ZFPM2: variants seen among roughly 807,000 people sequenced by gnomAD.
ZFPM2 encodes zinc finger protein, FOG family member 2, also known as zinc finger protein ZFPM2.
ZFPM2 carries 20 observed loss-of-function variants against 98.6 expected under a neutral mutation model. The observed-to-expected ratio is 0.20, with a 90% CI of 0.14 to 0.29. The LOEUF (loss-of-function observed/expected upper bound fraction) is 0.29, where lower values mean the gene tolerates loss of function less well. Among genes scored for constraint, ZFPM2 ranks in the 10% least tolerant of loss-of-function variants. ZFPM2 has a pLI of 1.00. For synonymous variants in ZFPM2, 518 were observed against 502.7 expected (o/e 1.03, Z -0.41); for missense variants, 1,310 against 1,388.6 (o/e 0.94, Z 0.90).
At chr8:105,424,816 T>C (rs1412743300) in intron 2 of ZFPM2, among the ~76,000 whole-genome samples, 2 of 152,136 alleles carry the variant, frequency 1.3e-5, no homozygotes, top group African/African-American at 4.8e-5. Context: ...GATACAGCCT[T>C]AGGCAAAAGT....
chr8:105,657,068 A>G (rs540297283), intron 5 of ZFPM2, among the ~76,000 whole-genome samples: 3 of 152,242 alleles, frequency 2.0e-5, no homozygotes, highest in African/African-American at 7.2e-5. Flanking sequence ...ATAGATAACA[A>G]TTTATATTTA....
At chr8:105,414,268 C>G (rs1358914488) in intron 1 of ZFPM2, among the ~76,000 whole-genome samples, 1 of 151,902 alleles carries the variant, frequency 6.6e-6, no homozygotes, top group African/African-American at 2.4e-5. Flanking sequence ...ATATCAGAAC[C>G]ATAGAAGTTG....
At chr8:105,459,724 A>G (rs1049392131) in intron 3 of ZFPM2, among the ~76,000 whole-genome samples, 1 of 152,092 alleles carries the variant, frequency 6.6e-6, no homozygotes, top group Non-Finnish European at 1.5e-5. Context: ...CATGGATAGC[A>G]TTCCTACTGG....
At chr8:105,605,980 T>C (rs1816188964) in intron 4 of ZFPM2, among the ~76,000 whole-genome samples, 1 of 152,118 alleles carries the variant, frequency 6.6e-6, no homozygotes, top group Non-Finnish European at 1.5e-5. Context: ...CATTTTCTCT[T>C]AATACCTGGT....
chr8:105,600,659 A>G (rs966751291), intron 4 of ZFPM2, among the ~76,000 whole-genome samples: 4 of 152,040 alleles, frequency 2.6e-5, no homozygotes, highest in African/African-American at 9.7e-5. Context: ...TTTTTTTAAA[A>G]TTGTTTAAAC....
chr8:105,538,147 G>A (rs938586128), intron 3 of ZFPM2, among the ~76,000 whole-genome samples: 17 of 151,908 alleles, frequency 1.1e-4, no homozygotes, highest in African/African-American at 4.1e-4. Context: ...AAAGAGTGTC[G>A]TTTGGTACAG....
At chr8:105,473,730 A>G (rs1273321049) in intron 3 of ZFPM2, among the ~76,000 whole-genome samples, 1 of 152,260 alleles carries the variant, frequency 6.6e-6, no homozygotes, top group Non-Finnish European at 1.5e-5. Flanking sequence ...CTTCAGAAAT[A>G]TAGGCACTTA....
chr8:105,420,525 A>G (rs1197201050), intron 2 of ZFPM2, among the ~76,000 whole-genome samples: 4 of 152,134 alleles, frequency 2.6e-5, no homozygotes, highest in Non-Finnish European at 5.9e-5. Context: ...GTAGACCTCA[A>G]GATAACTTGT....
chr8:105,487,932 A>G (rs1813265620), intron 3 of ZFPM2, among the ~76,000 whole-genome samples: 1 of 139,804 alleles, frequency 7.2e-6, no homozygotes, highest in South Asian at 2.2e-4. Context: ...CTATCTATCT[A>G]GCTAGCTAGC....
chr8:105,442,371 A>C (rs182668692), intron 2 of ZFPM2, among the ~76,000 whole-genome samples: 1 of 152,146 alleles, frequency 6.6e-6, no homozygotes, highest in African/African-American at 2.4e-5. Flanking sequence ...AAAACAAAAA[A>C]ACAACAAAAA....
intron 3 of ZFPM2, among the ~76,000 whole-genome samples, chr8:105,517,174 A>T (rs987274358): frequency 6.6e-6 from 1 of 152,224 alleles, no homozygotes; most frequent in Non-Finnish European, 1.5e-5. Context: ...AAACGGAAGT[A>T]GGGTTTATAA....
At chr8:105,795,870 AGAG>A (rs1813789969) in intron 6 of ZFPM2, 3 of 412,304 alleles carry the variant, frequency 7.3e-6, no homozygotes, top group Admixed American at 3.1e-5. Flanking sequence ...ACACATCTTA[AGAG>A]GAGAATAGAT....
intron 5 of ZFPM2, among the ~76,000 whole-genome samples, chr8:105,750,612 A>C (rs1812453584): frequency 6.6e-6 from 1 of 151,968 alleles, no homozygotes; most frequent in African/African-American, 2.4e-5. Context: ...GAGATCAGAG[A>C]TTTTACTCCA....
intron 5 of ZFPM2, among the ~76,000 whole-genome samples, chr8:105,636,638 T>A (rs1816852712): frequency 6.6e-6 from 1 of 152,158 alleles, no homozygotes; most frequent in African/African-American, 2.4e-5. Flanking sequence ...CTATTCCTGG[T>A]CTGGCATGCT....
chr8:105,392,170 A>C (rs1001701682), intron 1 of ZFPM2, among the ~76,000 whole-genome samples: 1 of 152,114 alleles, frequency 6.6e-6, no homozygotes, highest in Non-Finnish European at 1.5e-5. Flanking sequence ...TTTTGAAGGG[A>C]ATTTTTTTTC....
At chr8:105,336,879 A>G (rs538734796) in intron 1 of ZFPM2, among the ~76,000 whole-genome samples, 1 of 151,894 alleles carries the variant, frequency 6.6e-6, no homozygotes, top group South Asian at 2.1e-4. Flanking sequence ...ATTTTTTGGT[A>G]TTAAATAACA....
intron 3 of ZFPM2, among the ~76,000 whole-genome samples, chr8:105,474,605 GAA>G (rs1812976878): frequency 6.6e-6 from 1 of 151,820 alleles, no homozygotes; most frequent in Non-Finnish European, 1.5e-5. Flanking sequence ...ATATAAAAAA[GAA>G]TGAGAATTCT....
At chr8:105,477,675 A>G (rs866460115) in intron 3 of ZFPM2, among the ~76,000 whole-genome samples, 3 of 152,206 alleles carry the variant, frequency 2.0e-5, no homozygotes, top group South Asian at 2.1e-4. Flanking sequence ...TTTTCTAACC[A>G]TATCTTCTCC....
At chr8:105,477,307 C>T (rs1377180109) in intron 3 of ZFPM2, among the ~76,000 whole-genome samples, 4 of 134,358 alleles carry the variant, frequency 3.0e-5, no homozygotes, top group East Asian at 2.3e-4. Context: ...TGCAGTGGTG[C>T]GATCTCAGCT....
Sources: allele counts gnomAD v4.1 joint callset (sites outside exome capture counted in the v4.1 genomes callset), GRCh38; gene constraint gnomAD v4.1.1; transcripts MANE v1.5; gene names NCBI Gene and HGNC (gene_info 2026-07-23, HGNC 2026-07-21).